TUSC3: variants seen among roughly 807,000 people sequenced by gnomAD.
The protein encoded by TUSC3 is tumor suppressor candidate 3.
In TUSC3, 45 loss-of-function variants were observed where a neutral mutation model predicts 44.8. That is an observed-to-expected ratio of 1.00 (90% CI 0.79 to 1.29). TUSC3 has a LOEUF of 1.29. TUSC3 is among the 50% of genes most tolerant of loss of function. TUSC3 has a pLI of 0.00. For missense variants in TUSC3, 519 were observed against 437.9 expected, an observed-to-expected ratio of 1.19 and a Z score of -1.65; for synonymous variants, 212 against 152.9, an observed-to-expected ratio of 1.39 and a Z score of -2.85.
At chr8:15,625,852 G>C (rs1805483893) in intron 2 of TUSC3, among the ~76,000 whole-genome samples, 1 of 152,166 alleles carries the variant, frequency 6.6e-6, no homozygotes, top group Non-Finnish European at 1.5e-5. Flanking sequence ...AAAATATTTT[G>C]AAAAACAGCA....
chr8:15,587,615 A>C (rs1323255229), intron 1 of TUSC3, among the ~76,000 whole-genome samples: 3 of 152,112 alleles, frequency 2.0e-5, no homozygotes, highest in Non-Finnish European at 1.5e-5. Context: ...CATATACAGT[A>C]ATTTATTGTT....
chr8:15,564,814 T>A (rs562962547), intron 1 of TUSC3, among the ~76,000 whole-genome samples: 1 of 152,186 alleles, frequency 6.6e-6, no homozygotes, highest in South Asian at 2.1e-4. Flanking sequence ...ACTCCCACCC[T>A]GTTCTAAGGA....
At chr8:15,768,290 A>G (rs1262143149), downstream of TUSC3, among the ~76,000 whole-genome samples, 1 of 152,206 alleles carries the variant, frequency 6.6e-6, no homozygotes, top group Non-Finnish European at 1.5e-5. Flanking sequence ...TCACTGCTAC[A>G]TAAACTGCAA....
upstream of TUSC3, among the ~76,000 whole-genome samples, chr8:15,537,419 A>AC (rs1273080814): frequency 6.6e-6 from 1 of 152,196 alleles, no homozygotes; most frequent in East Asian, 1.9e-4. Flanking sequence ...ACCAAGCTGC[A>AC]CCCCGACCAC....
At chr8:15,827,118 C>A in the TUSC3 span, among the ~76,000 whole-genome samples, 1 of 152,128 alleles carries the variant, frequency 6.6e-6, no homozygotes, top group African/African-American at 2.4e-5. Context: ...GCTTTTCTTA[C>A]CGATATGGAG....
At chr8:15,609,243 G>T (rs1043167709) in intron 1 of TUSC3, among the ~76,000 whole-genome samples, 1 of 152,094 alleles carries the variant, frequency 6.6e-6, no homozygotes, top group African/African-American at 2.4e-5. Context: ...CACATAATAT[G>T]TGGCCATTAA....
the TUSC3 span, among the ~76,000 whole-genome samples, chr8:15,808,505 A>G: frequency 0.089 from 13,486 of 152,124 alleles, 746 homozygotes; most frequent in Middle Eastern, 0.16. Flanking sequence ...TTGTTGGCCA[A>G]TTCTGCTTCC....
chr8:15,757,968 G>C (rs1812002140), intron 10 of TUSC3, 113 bp downstream of exon 10: 9 of 1,503,090 alleles, frequency 6.0e-6, no homozygotes, highest in Admixed American at 2.2e-5. Context: ...ACAAATGTAA[G>C]ATAACTTTTA....
intron 6 of TUSC3, among the ~76,000 whole-genome samples, chr8:15,705,141 C>G (rs1003529325): frequency 2.3e-4 from 34 of 151,110 alleles, no homozygotes; most frequent in African/African-American, 8.3e-4. Flanking sequence ...CTCGGACCTT[C>G]TTAACGGCAG....
intron 9 of TUSC3, chr8:15,748,816 C>T (rs753854642): frequency 4.1e-6 from 2 of 485,716 alleles, no homozygotes; most frequent in South Asian, 3.0e-5. Flanking sequence ...ATTCACTGTT[C>T]ATTGTCTAAT....
chr8:15,548,072 G>A (rs945795055), intron 1 of TUSC3, among the ~76,000 whole-genome samples: 1 of 151,448 alleles, frequency 6.6e-6, no homozygotes, highest in African/African-American at 2.4e-5. Context: ...ACCAGAACCC[G>A]ACCATGCTGG....
At position 15,493,600 on chromosome 8, in the gene TUSC3, GC is replaced by G. The variant is rs377735021; in HGVS notation, n.189+10119del. ...TAATAAAAAGAATTAGCAAATATTT[GC>G]CAAACATTTGGTACTGGAACTATAC... On this transcript the variant is annotated intron_variant and non_coding_transcript_variant, in intron 2 of 5. Transcript: ENST00000503191. 4.1e-3 allele frequency among the ~76,000 whole-genome samples: 621 copies of G among 152,212 alleles called. 4 individuals are homozygous for G. The highest frequency in any genetic ancestry group is 0.014 in the African/African-American group (584 of 41,536).
At chr8:15,729,674 C>G (rs1810637862) in intron 6 of TUSC3, among the ~76,000 whole-genome samples, 1 of 151,954 alleles carries the variant, frequency 6.6e-6, no homozygotes, top group Non-Finnish European at 1.5e-5. Context: ...TACACATGGA[C>G]AGAGAGGGGA....
At chr8:15,456,234 C>T (rs1239911950) in intron 1 of TUSC3, among the ~76,000 whole-genome samples, 2 of 152,164 alleles carry the variant, frequency 1.3e-5, no homozygotes, top group Non-Finnish European at 2.9e-5. Context: ...CATGACTGGC[C>T]TCATGTGACT....
At chr8:15,776,046 C>T in the TUSC3 span, among the ~76,000 whole-genome samples, 3 of 151,958 alleles carry the variant, frequency 2.0e-5, no homozygotes, top group Non-Finnish European at 4.4e-5. Context: ...TCATCTAATT[C>T]ACTATTCTCC....
At chr8:15,675,412 CTTTT>C (rs5889591) in intron 6 of TUSC3, among the ~76,000 whole-genome samples, 1 of 149,848 alleles carries the variant, frequency 6.7e-6, no homozygotes, top group Non-Finnish European at 1.5e-5. Context: ...ATATTGTATT[CTTTT>C]TTTTTGGGAG....
At chr8:15,424,390 C>G (rs570862337) in intron 1 of TUSC3, among the ~76,000 whole-genome samples, 3 of 152,120 alleles carry the variant, frequency 2.0e-5, no homozygotes, top group South Asian at 4.2e-4. Flanking sequence ...TAGGACATGA[C>G]TAACAAAATC....
At chr8:15,553,468 CA>C (rs1802126941) in intron 1 of TUSC3, among the ~76,000 whole-genome samples, 1 of 145,156 alleles carries the variant, frequency 6.9e-6, no homozygotes, top group Non-Finnish European at 1.5e-5. Flanking sequence ...GAGAGGTCAA[CA>C]GTGATAAGTT....
At chr8:15,429,639 C>T (rs1799848372) in intron 1 of TUSC3, among the ~76,000 whole-genome samples, 1 of 151,556 alleles carries the variant, frequency 6.6e-6, no homozygotes, top group South Asian at 2.1e-4. Context: ...TTTGTATCCT[C>T]TTTTATTTCA....
Sources: allele counts gnomAD v4.1 joint callset (sites outside exome capture counted in the v4.1 genomes callset), GRCh38; gene constraint gnomAD v4.1.1; transcripts MANE v1.5; gene names NCBI Gene and HGNC (gene_info 2026-07-23, HGNC 2026-07-21).